The following BRINP1 variants were observed in gnomAD, a reference collection of about 807,000 sequenced individuals.
BRINP1 encodes the protein BMP/retinoic acid inducible neural specific 1.
Under a neutral mutation model 72.9 loss-of-function variants are expected in BRINP1, and 17 were observed. That is an observed-to-expected ratio of 0.23 (90% CI 0.16 to 0.35). The LOEUF (loss-of-function observed/expected upper bound fraction) is 0.35, where lower values mean the gene tolerates loss of function less well. BRINP1 is among the 10% of genes least tolerant of loss of function. The pLI is 1.00. For synonymous variants in BRINP1, 418 were observed against 378.5 expected (o/e 1.10, Z -1.21); for missense variants, 850 against 1,001.6 (o/e 0.85, Z 2.04).
intron 2 of BRINP1, among the ~76,000 whole-genome samples, chr9:119,261,023 T>A (rs1451459426): frequency 6.6e-6 from 1 of 152,176 alleles, no homozygotes; most frequent in Non-Finnish European, 1.5e-5. Context: ...TAATTTAATT[T>A]AAAATATTCT....
At chr9:119,171,401 G>C (rs1439677606) in intron 7 of BRINP1, among the ~76,000 whole-genome samples, 2 of 141,340 alleles carry the variant, frequency 1.4e-5, no homozygotes, top group South Asian at 2.4e-4. Flanking sequence ...TTACATAATG[G>C]TAAAGGGATC....
At chr9:119,340,311 T>G (rs1158074963) in intron 1 of BRINP1, among the ~76,000 whole-genome samples, 1 of 152,156 alleles carries the variant, frequency 6.6e-6, no homozygotes, top group African/African-American at 2.4e-5. Context: ...TGGATTTAGA[T>G]CTGAGGTTCC....
rs754362195 is a variant in BRINP1 at position 119,242,207 on chromosome 9, G to A, written c.419C>T (p.Ala140Val). The change falls in exon 4 of 8, where the codon GCT becomes GTT. Residue 140 changes from alanine (A) to valine (V), a missense_variant. By Grantham distance (64) the Ala-to-Val change is moderately conservative. Coordinates refer to ENST00000265922, the MANE Select transcript of BRINP1 (RefSeq NM_014618.3). Reference sequence around the variant, plus strand: ...ACTTTTGTCCATATACATGGTCAAAGCCTCCTCCCCTGGATGGGAAAGAAA... The same window carrying A: ...ACTTTTGTCCATATACATGGTCAAAACCTCCTCCCCTGGATGGGAAAGAAA... ...LISATLGGEE[A>V]LTMYMDKSRL... The A allele has an allele frequency of 5.6e-6, 9 of 1,613,986 alleles. No individual in the cohort carries two copies. The highest frequency in any genetic ancestry group is 6.8e-6 in the Non-Finnish European group (8 of 1,179,932).
At chr9:119,281,416 G>A (rs1422088904) in intron 2 of BRINP1, among the ~76,000 whole-genome samples, 1 of 131,138 alleles carries the variant, frequency 7.6e-6, no homozygotes, top group African/African-American at 2.8e-5. Context: ...TAGGCAGTGT[G>A]TATGAGAAAG....
At chr9:119,272,091 CAAAAA>C (rs59092561) in intron 2 of BRINP1, among the ~76,000 whole-genome samples, 1 of 119,486 alleles carries the variant, frequency 8.4e-6, no homozygotes, top group Non-Finnish European at 1.8e-5. Flanking sequence ...TTTTTTGAGA[CAAAAA>C]AAAAAAAAAA....
chr9:119,291,102 G>A (rs564545887), intron 2 of BRINP1, among the ~76,000 whole-genome samples: 20 of 140,550 alleles, frequency 1.4e-4, no homozygotes, highest in Middle Eastern at 3.8e-3. Flanking sequence ...CAGCCAGGGC[G>A]ACAAGAATGA....
chr9:119,314,365 G>C (rs747098614), intron 1 of BRINP1, among the ~76,000 whole-genome samples: 2 of 152,080 alleles, frequency 1.3e-5, no homozygotes, highest in Admixed American at 1.3e-4. Context: ...TACACTTTTT[G>C]TTTAGTTTTG....
At chr9:119,230,347 C>T (rs1453331810) in intron 5 of BRINP1, among the ~76,000 whole-genome samples, 2 of 151,940 alleles carry the variant, frequency 1.3e-5, no homozygotes, top group South Asian at 2.1e-4. Flanking sequence ...AGGAGGGAAG[C>T]GAGAATCTGA....
At chr9:119,224,901 T>C (rs1830074782) in intron 5 of BRINP1, among the ~76,000 whole-genome samples, 1 of 152,066 alleles carries the variant, frequency 6.6e-6, no homozygotes, top group African/African-American at 2.4e-5. Flanking sequence ...GGAAATGCAC[T>C]GTATGTATAT....
intron 5 of BRINP1, among the ~76,000 whole-genome samples, chr9:119,225,797 T>G (rs1210627594): frequency 1.3e-5 from 2 of 151,982 alleles, no homozygotes; most frequent in African/African-American, 4.8e-5. Flanking sequence ...GTAGAAATAG[T>G]AAGGATATTT....
At chr9:119,301,417 T>C (rs1830937710) in intron 2 of BRINP1, among the ~76,000 whole-genome samples, 2 of 152,220 alleles carry the variant, frequency 1.3e-5, no homozygotes, top group Non-Finnish European at 2.9e-5. Flanking sequence ...TTCCTTAAAG[T>C]ATCTCAGGTT....
chr9:119,327,889 T>C (rs1034746379), intron 1 of BRINP1, among the ~76,000 whole-genome samples: 2 of 151,820 alleles, frequency 1.3e-5, no homozygotes, highest in African/African-American at 4.8e-5. Flanking sequence ...GGATTTCTAG[T>C]AGGCTACAGA....
At chr9:119,285,178 A>G (rs1487743284) in intron 2 of BRINP1, among the ~76,000 whole-genome samples, 1 of 148,298 alleles carries the variant, frequency 6.7e-6, no homozygotes, top group East Asian at 2.0e-4. Context: ...TCCTTCGCAT[A>G]CTAATCAAGT....
intron 4 of BRINP1, among the ~76,000 whole-genome samples, chr9:119,239,530 T>C (rs1445840821): frequency 6.6e-6 from 1 of 152,232 alleles, no homozygotes. Flanking sequence ...TAGCCTTTGC[T>C]TCCCATTATT....
At chr9:119,192,803 A>G (rs1033409422) in intron 7 of BRINP1, among the ~76,000 whole-genome samples, 9 of 152,076 alleles carry the variant, frequency 5.9e-5, no homozygotes, top group South Asian at 2.1e-4. Flanking sequence ...CTCCCATATT[A>G]ACTGCAATAT....
chr9:119,187,706 C>T (rs1437591768), intron 7 of BRINP1, among the ~76,000 whole-genome samples: 1 of 152,018 alleles, frequency 6.6e-6, no homozygotes, highest in Non-Finnish European at 1.5e-5. Flanking sequence ...TATCCAATAA[C>T]AAATCCTCCA....
intron 1 of BRINP1, among the ~76,000 whole-genome samples, chr9:119,350,076 G>C (rs910025888): frequency 6.6e-6 from 1 of 152,074 alleles, no homozygotes; most frequent in South Asian, 2.1e-4. Context: ...GATGATTTTG[G>C]ATCCTGACCA....
At chr9:119,318,845 GT>G (rs67265720) in intron 1 of BRINP1, among the ~76,000 whole-genome samples, 5,514 of 37,858 alleles carry the variant, frequency 0.15, 141 homozygotes, top group East Asian at 0.22. Flanking sequence ...AATGTGTGGG[GT>G]GTGTGTGTGT....
intron 7 of BRINP1, among the ~76,000 whole-genome samples, chr9:119,199,393 T>C (rs941201592): frequency 5.3e-5 from 8 of 152,132 alleles, no homozygotes; most frequent in Non-Finnish European, 7.3e-5. Context: ...AATTAAACAC[T>C]GTATGGAGAA....
Sources: gnomAD v4.1 joint callset for allele counts (sites outside exome capture counted in the v4.1 genomes callset) on GRCh38, gnomAD v4.1.1 for gene constraint, MANE v1.5 for transcripts, NCBI Gene and HGNC (gene_info 2026-07-23, HGNC 2026-07-21) for gene names.